PIH1D1: variants seen among roughly 807,000 people sequenced by gnomAD.
PIH1D1 encodes PIH1 domain containing 1, also known as PIH1 domain-containing protein 1.
Under a neutral mutation model 38.5 loss-of-function variants are expected in PIH1D1, and 28 were observed. The ratio of observed to expected loss-of-function variants is 0.73; its 90% CI spans 0.54 to 1.00. PIH1D1 has a LOEUF of 1.00. PIH1D1 is among the 50% of genes least tolerant of loss of function. PIH1D1 has a pLI of 0.00. For missense variants in PIH1D1, 343 were observed against 369.9 expected (o/e 0.93, Z 0.60); for synonymous variants, 155 against 153.5 (o/e 1.01, Z -0.07).
chr19:49,449,079 C>G, intron 3 of PIH1D1: 3 of 352,562 alleles, frequency 8.5e-6, no homozygotes, highest in South Asian at 6.6e-5. Context: ...GTAATCCCAG[C>G]TGCTTGGGAG....
chr19:49,450,866 A>G lies in PIH1D1; in HGVS notation c.91-18T>C. 1 of 1,613,170 alleles carries G rather than the reference A, an allele frequency of 6.2e-7. No individual in the cohort carries two copies. Among genetic ancestry groups the G allele is most frequent in the East Asian group, 2.2e-5 (1 of 44,846 alleles). ...TTCGAGGCCTGTATAAAGGAAAACT[A>G]CCTCCAGGCTCGGAGTCTGTGCCAT... On this transcript the variant is annotated intron_variant, in intron 1 of 8. Coordinates refer to ENST00000262265, the MANE Select transcript of PIH1D1 (RefSeq NM_017916.3).
chr19:49,449,794 C>CT (rs61447252), intron 2 of PIH1D1, 140 bp from the exon 3 acceptor site: 9,831 of 499,894 alleles, frequency 0.02, 7 homozygotes, highest in East Asian at 0.066. Flanking sequence ...CCTCACTTCT[C>CT]TTTTTTTTTT....
At position 49,447,990 on chromosome 19, in the gene PIH1D1, C is replaced by G; in HGVS notation, c.399+11G>C. 5 of 1,614,176 alleles carry G rather than the reference C, an allele frequency of 3.1e-6. No individual in the cohort carries two copies. Among genetic ancestry groups the G allele is most frequent in the South Asian group, 1.1e-5 (1 of 91,086 alleles). ...CCCTGCCCAGGCCTCAACCGCAGCC[C>G]CGCCCCCAACCTGCATCCTCCGGTA... is the stretch of plus-strand genomic sequence containing the variant. On this transcript the variant is annotated intron_variant, in intron 4 of 8. Transcript: ENST00000262265.
In PIH1D1 at chr19:49,451,520, C is replaced by G. The variant is rs1245872340; in HGVS notation, c.55G>C (p.Ala19Pro). The stretch of plus-strand genomic sequence containing the variant: ...AGCTCCTCAAATCGCGCCGAATCAG[C>G]ACCGATCGCCTCCGCCTCGCTTAGC... ...MGLSEAEAIGADSARFEELLL... is the reference protein window; with the variant it reads ...MGLSEAEAIGPDSARFEELLL... Residue 19 changes from alanine (A) to proline (P), a missense_variant, in exon 1 of 9, where the codon GCT becomes CCT. Physicochemically the swap from Ala to Pro is conservative, Grantham distance 27 (BLOSUM62 -1). Transcript: ENST00000262265. 1.1e-5 allele frequency: 17 copies of G among 1,613,894 alleles called. No individual in the cohort carries two copies. Among genetic ancestry groups the G allele is most frequent in the Non-Finnish European group, 1.4e-5 (16 of 1,179,984 alleles).
At chr19:49,448,165 A>G (rs2079036714) in intron 3 of PIH1D1, 103 bp from the exon 4 acceptor site, 1 of 1,164,628 alleles carries the variant, frequency 8.6e-7, no homozygotes, top group Non-Finnish European at 1.3e-6. Flanking sequence ...GGCCGTAAGA[A>G]GCAGAGAGAG....
chr19:49,449,660 G>A lies in PIH1D1; in HGVS notation c.158-6C>T, dbSNP rs757426747. 1.9e-6 allele frequency: 3 copies of A among 1,612,094 alleles called. No homozygotes were observed. The highest frequency in any genetic ancestry group is 1.3e-5 in the African/African-American group (1 of 74,874). On this transcript the variant is annotated splice_polypyrimidine_tract_variant and splice_region_variant and intron_variant, in intron 2 of 8. Transcript: ENST00000262265. ...GTTGGTCTTTATGCAGAAACCTGGT[G>A]GGAGTGGGTTAGTCATGACAATCCT...
At chr19:49,447,689 G>A in intron 5 of PIH1D1, 138 bp downstream of exon 5, 2 of 1,002,198 alleles carry the variant, frequency 2.0e-6, no homozygotes, top group African/African-American at 1.6e-5. Context: ...CGCCCCCTCA[G>A]GGCGTCCAGA....
At chr19:49,447,622 C>A in intron 5 of PIH1D1, 155 bp from the exon 6 acceptor site, 5 of 969,792 alleles carry the variant, frequency 5.2e-6, no homozygotes, top group Non-Finnish European at 7.7e-6. Context: ...CCACCTTAGT[C>A]ACGCCCCTCC....
intron 3 of PIH1D1, 82 bp downstream of exon 3, chr19:49,449,393 G>A (rs1223841191): frequency 7.7e-7 from 1 of 1,295,034 alleles, no homozygotes; most frequent in African/African-American, 1.5e-5. Context: ...TGAGGGAGGA[G>A]GGTCCTGGGC....
intron 5 of PIH1D1, 24 bp downstream of exon 5, chr19:49,447,803 G>C (rs370603888): frequency 6.2e-7 from 1 of 1,610,692 alleles, no homozygotes; most frequent in Non-Finnish European, 8.5e-7. Flanking sequence ...ACTCTTTCCC[G>C]AGGGCCCAGG....
intron 7 of PIH1D1, 77 bp from the exon 8 acceptor site, chr19:49,446,771 G>T (rs755431192): frequency 1.4e-6 from 2 of 1,410,462 alleles, no homozygotes; most frequent in Non-Finnish European, 1.9e-6. Flanking sequence ...AGCCTCACAC[G>T]CTGGGAAACT....
At position 49,446,342 on chromosome 19, in the gene PIH1D1, C is replaced by T. The variant is rs907055570; in HGVS notation, c.*40G>A. On this transcript the variant is annotated 3_prime_UTR_variant, in exon 9 of 9. Coordinates refer to ENST00000262265, the MANE Select transcript of PIH1D1 (RefSeq NM_017916.3). Reference sequence around the variant, plus strand: ...TTTCAACTTTTAGGGAAGCCAGCAGCCTCTTCTCCACATCTCAGAAGCACA... The same window carrying T: ...TTTCAACTTTTAGGGAAGCCAGCAGTCTCTTCTCCACATCTCAGAAGCACA... The T allele has an allele frequency of 1.3e-6, 1 of 786,250 alleles. No individual in the cohort carries two copies. The highest frequency in any genetic ancestry group is 2.4e-6 in the Non-Finnish European group (1 of 422,938). 48.7% of individuals were successfully genotyped at this position (786,250 alleles called of 1,614,324 possible).
rs7462 is a variant in PIH1D1 at position 49,446,395 on chromosome 19, G to T, written c.860C>A (p.Pro287Gln). 1.2e-6 allele frequency: 1 copy of T among 851,138 alleles called. No individual in the cohort carries two copies. Among genetic ancestry groups the T allele is most frequent in the Non-Finnish European group, 2.1e-6 (1 of 482,498 alleles). 52.7% of individuals were successfully genotyped at this position (851,138 alleles called of 1,614,324 possible). Residue 287 changes from proline to glutamine, a missense_variant, in exon 9 of 9, where the codon CCG becomes CAG. Coordinates refer to ENST00000262265, the MANE Select transcript of PIH1D1 (RefSeq NM_017916.3). ...KQLMVAMPLL[P>Q]VPS Reference sequence around the variant, plus strand: ...GAGACACCCTGATCAAGAAGGCACCGGCAGAAGCGGCATGGCCACCATTAA... The same window carrying T: ...GAGACACCCTGATCAAGAAGGCACCTGCAGAAGCGGCATGGCCACCATTAA...
chr19:49,450,756 C>G, intron 2 of PIH1D1, 26 bp downstream of exon 2: 1 of 1,588,720 alleles, frequency 6.3e-7, no homozygotes, highest in Non-Finnish European at 8.6e-7. Context: ...GTCTCCTGTC[C>G]CTCTCTCTCC....
In PIH1D1 at chr19:49,447,476, C is replaced by T. The variant is rs2079031403; in HGVS notation, c.482-9G>A. 1 of 1,606,892 alleles carries T rather than the reference C, an allele frequency of 6.2e-7. No individual in the cohort carries two copies. Among genetic ancestry groups the T allele is most frequent in the African/African-American group, 1.3e-5 (1 of 75,028 alleles). On this transcript the variant is annotated splice_polypyrimidine_tract_variant and intron_variant, in intron 5 of 8. Transcript: ENST00000262265. Reference sequence around the variant, plus strand: ...CTTCATCATGCGCCATTCTGAGGGTCAGGAGCGCCGTCAAACATCGTACAG... The same window carrying T: ...CTTCATCATGCGCCATTCTGAGGGTTAGGAGCGCCGTCAAACATCGTACAG...
chr19:49,446,492 G>C (rs1462761261), intron 8 of PIH1D1, 59 bp downstream of exon 8: 1 of 1,574,034 alleles, frequency 6.4e-7, no homozygotes, highest in East Asian at 2.2e-5. Flanking sequence ...CCCCTCCCTG[G>C]GAGACAGAGT....
At chr19:49,450,497 C>T (rs1293484895) in intron 2 of PIH1D1, among the ~76,000 whole-genome samples, 1 of 152,140 alleles carries the variant, frequency 6.6e-6, no homozygotes, top group Non-Finnish European at 1.5e-5. Context: ...CCACCCACTG[C>T]AACTTCTGCC....
In PIH1D1 at chr19:49,447,691, G is replaced by A. The variant is rs2079032951; in HGVS notation, c.481+136C>T. ...ATGTTCCTGGCCCCGCCCCCTCAGG[G>A]CGTCCAGACTCCACCCCCTCCTAGT... On this transcript the variant is annotated intron_variant, in intron 5 of 8. Transcript: ENST00000262265. 3 of 1,020,210 alleles carry A rather than the reference G, an allele frequency of 2.9e-6. No individual in the cohort carries two copies. The South Asian group carries it at 4.2e-5, about 14-fold the overall frequency. 63.2% of individuals were successfully genotyped at this position (1,020,210 alleles called of 1,614,324 possible).
intron 6 of PIH1D1, 99 bp downstream of exon 6, chr19:49,447,239 G>A (rs1209459924): frequency 4.5e-6 from 7 of 1,546,250 alleles, no homozygotes; most frequent in African/African-American, 1.4e-5. Context: ...CTCTCTCAGT[G>A]CCCAGGGCCC....
Sources: allele counts gnomAD v4.1 joint callset (sites outside exome capture counted in the v4.1 genomes callset), GRCh38; gene constraint gnomAD v4.1.1; transcripts MANE v1.5; gene names NCBI Gene and HGNC (gene_info 2026-07-23, HGNC 2026-07-21).